The following INTS7 variants were observed in gnomAD, a reference collection of about 807,000 sequenced individuals.
INTS7 encodes chromosome 1 open reading frame 73.
INTS7 carries 46 observed loss-of-function variants against 109.2 expected under a neutral mutation model. That is an observed-to-expected ratio of 0.42 (90% CI 0.33 to 0.54). INTS7 has a LOEUF of 0.54. Among genes scored for constraint, INTS7 ranks in the 20% least tolerant of loss-of-function variants. The pLI is 0.07. For synonymous variants in INTS7, 412 were observed against 402.9 expected (o/e 1.02, Z -0.27); for missense variants, 929 against 1,132.4 (o/e 0.82, Z 2.58).
intron 7 of INTS7, among the ~76,000 whole-genome samples, chr1:211,998,191 C>T (rs1665497196): frequency 6.6e-6 from 1 of 152,206 alleles, no homozygotes; most frequent in Admixed American, 6.5e-5. Flanking sequence ...TCCTAAACTC[C>T]TCACCTCAAG....
intron 16 of INTS7, among the ~76,000 whole-genome samples, chr1:211,953,483 T>C (rs1663211155): frequency 6.6e-6 from 1 of 151,078 alleles, no homozygotes; most frequent in African/African-American, 2.4e-5. Context: ...ATGTGCCATG[T>C]TGGTGTGCTG....
intron 5 of INTS7, 90 bp from the exon 6 acceptor site, chr1:212,007,539 G>A (rs1323879415): frequency 3.2e-6 from 3 of 937,956 alleles, no homozygotes; most frequent in Non-Finnish European, 5.1e-6. Context: ...TAGCAAAATT[G>A]CACTTGAAAA....
At chr1:212,030,784 G>T (rs1158339994) in intron 1 of INTS7, 1 of 152,156 alleles carries the variant, frequency 6.6e-6, no homozygotes, top group Non-Finnish European at 1.5e-5. Flanking sequence ...GAGGGCCTAT[G>T]AAGATACTTC....
Position 212,007,286 on chromosome 1 carries a change from C to G in INTS7, c.720G>C (p.Leu240=). Residue 240 remains leucine, a synonymous_variant, in exon 6 of 20, where the codon CTG becomes CTC. Coordinates refer to ENST00000366994, the MANE Select transcript of INTS7 (RefSeq NM_015434.4). ...MVIVSLHTFT[L]LAASSLVDTP... ...TATCAACCAAAGATGACGCTGCAAG[C>G]AGAGTGAAAGTGTGCAAAGACACAA... is the stretch of plus-strand genomic sequence containing the variant. 1 of 1,613,916 alleles carries G rather than the reference C, an allele frequency of 6.2e-7. No homozygotes were observed. The highest frequency in any genetic ancestry group is 8.5e-7 in the Non-Finnish European group (1 of 1,179,896).
At chr1:212,024,598 C>T (rs1666842392) in intron 1 of INTS7, among the ~76,000 whole-genome samples, 1 of 152,120 alleles carries the variant, frequency 6.6e-6, no homozygotes, top group Non-Finnish European at 1.5e-5. Context: ...TTAATAGCCC[C>T]AAACTGGAAA....
intron 1 of INTS7, among the ~76,000 whole-genome samples, chr1:212,034,727 C>G (rs1667343645): frequency 6.6e-6 from 1 of 152,164 alleles, no homozygotes; most frequent in East Asian, 1.9e-4. Context: ...CAAGCCGAGG[C>G]TAGATGAAGT....
At position 211,978,246 on chromosome 1, in the gene INTS7, A is replaced by C. The variant is rs946608852; in HGVS notation, c.1470+26T>G. On this transcript the variant is annotated intron_variant, in intron 11 of 19. Coordinates refer to ENST00000366994, the MANE Select transcript of INTS7 (RefSeq NM_015434.4). ...CACTAGACCAGATCCTAGTCATTCA[A>C]AGGAGATTCAAAATGGGCTTTTTAC... 3 of 1,613,470 alleles carry C rather than the reference A, an allele frequency of 1.9e-6. No homozygotes were observed. In the South Asian group the frequency reaches 3.3e-5, roughly 18 times the overall value.
chr1:212,021,062 C>T (rs765511686), intron 2 of INTS7, 21 bp downstream of exon 2: 61 of 1,583,694 alleles, frequency 3.9e-5, no homozygotes, highest in Non-Finnish European at 4.2e-5. Context: ...TTTAGGACAT[C>T]GAGAATTTAA....
chr1:212,033,772 G>A (rs369257768), intron 1 of INTS7, among the ~76,000 whole-genome samples: 2 of 152,142 alleles, frequency 1.3e-5, no homozygotes, highest in African/African-American at 2.4e-5. Context: ...TCAGAATGAG[G>A]AGGAAAGTGT....
chr1:211,952,806 A>ACTTCATTATTT, intron 16 of INTS7, 105 bp from the exon 17 acceptor site: 1 of 1,102,006 alleles, frequency 9.1e-7, no homozygotes, highest in Non-Finnish European at 1.3e-6. Flanking sequence ...TTTTAAAATA[A>ACTTCATTATTT]TGAAGTTATT....
intron 7 of INTS7, among the ~76,000 whole-genome samples, chr1:211,990,956 G>C (rs1018249418): frequency 6.6e-6 from 1 of 152,212 alleles, no homozygotes; most frequent in East Asian, 1.9e-4. Flanking sequence ...AAAGAGAACT[G>C]AGAGTTAAGG....
chr1:211,958,489 C>T (rs977203270), intron 16 of INTS7, among the ~76,000 whole-genome samples: 5 of 152,038 alleles, frequency 3.3e-5, no homozygotes, highest in African/African-American at 4.8e-5. Context: ...TTGATTGCTA[C>T]GTGTGCCTTG....
intron 7 of INTS7, among the ~76,000 whole-genome samples, chr1:212,004,452 AT>A (rs1665814276): frequency 6.6e-6 from 1 of 152,240 alleles, no homozygotes; most frequent in Admixed American, 6.5e-5. Flanking sequence ...TCATGTCAAC[AT>A]ATGTAAAAGA....
intron 3 of INTS7, among the ~76,000 whole-genome samples, chr1:212,019,181 A>G (rs2993528): frequency 0.61 from 91,952 of 151,908 alleles, 28,341 homozygotes; most frequent in Non-Finnish European, 0.66. Flanking sequence ...AACCCAGGAG[A>G]CAGAGGTTGC....
chr1:211,958,298 A>AT (rs1331161461), intron 16 of INTS7, among the ~76,000 whole-genome samples: 12 of 151,002 alleles, frequency 7.9e-5, no homozygotes, highest in South Asian at 2.1e-4. Context: ...ATAGGTTAAC[A>AT]TTTTTTTTTC....
chr1:211,983,923 C>T (rs1299693804), intron 8 of INTS7, among the ~76,000 whole-genome samples: 1 of 151,828 alleles, frequency 6.6e-6, no homozygotes, highest in Non-Finnish European at 1.5e-5. Flanking sequence ...TCATGGCCTA[C>T]TACAGATCAC....
At chr1:212,005,863 C>G (rs987823472) in intron 7 of INTS7, among the ~76,000 whole-genome samples, 1 of 152,086 alleles carries the variant, frequency 6.6e-6, no homozygotes, top group African/African-American at 2.4e-5. Flanking sequence ...ATATCTGTGA[C>G]TATCAAATCA....
At chr1:211,990,368 C>A (rs537253137) in intron 7 of INTS7, among the ~76,000 whole-genome samples, 2 of 151,546 alleles carry the variant, frequency 1.3e-5, no homozygotes, top group Non-Finnish European at 2.9e-5. Context: ...AGAACATGCA[C>A]GTAGTGTATT....
At chr1:212,018,586 C>T (rs751990421) in intron 3 of INTS7, among the ~76,000 whole-genome samples, 4 of 151,348 alleles carry the variant, frequency 2.6e-5, no homozygotes, top group Non-Finnish European at 5.9e-5. Flanking sequence ...TAATCTACAA[C>T]CCAAAGACTC....
Sources: gnomAD v4.1 joint callset for allele counts (sites outside exome capture counted in the v4.1 genomes callset) on GRCh38, gnomAD v4.1.1 for gene constraint, MANE v1.5 for transcripts, NCBI Gene and HGNC (gene_info 2026-07-23, HGNC 2026-07-21) for gene names.